MET: variants seen among roughly 807,000 people sequenced by gnomAD.
MET encodes hepatocyte growth factor receptor.
In MET, 48 loss-of-function variants were observed where a neutral mutation model predicts 133.1. The observed-to-expected ratio is 0.36, with a 90% confidence interval of 0.29 to 0.46. The LOEUF (loss-of-function observed/expected upper bound fraction) is 0.46, where lower values mean the gene tolerates loss of function less well. Ranked by LOEUF, MET falls within the 20% of genes least tolerant of loss-of-function variation. MET has a pLI of 1.00. For synonymous variants in MET, 628 were observed against 616.5 expected (o/e 1.02, Z -0.28); for missense variants, 1,442 against 1,695.9 (o/e 0.85, Z 2.63).
chr7:116,753,999 G>A (rs1400704152), intron 5 of MET, among the ~76,000 whole-genome samples: 3 of 152,184 alleles, frequency 2.0e-5, no homozygotes, highest in Non-Finnish European at 4.4e-5. Flanking sequence ...GCTGGGTGAG[G>A]TGGCGCACAC....
intron 19 of MET, among the ~76,000 whole-genome samples, chr7:116,786,204 T>C (rs571277516): frequency 6.6e-6 from 1 of 152,326 alleles, no homozygotes; most frequent in African/African-American, 2.4e-5. Flanking sequence ...AGTTCTCCAG[T>C]ATCTCTTCTT....
At position 116,757,535 on chromosome 7, in the gene MET, A is replaced by G. The variant is rs1554395399; in HGVS notation, c.1961A>G (p.Tyr654Cys). 6.2e-7 allele frequency: 1 copy of G among 1,613,246 alleles called. No individual in the cohort carries two copies. The highest frequency in any genetic ancestry group is 8.5e-7 in the Non-Finnish European group (1 of 1,179,268). ...ACAACACAATACAGTACATTCTCCTATGTGGTAAGGAAGATTCTATCCTAT... is the reference window on the plus strand; with the variant it reads ...ACAACACAATACAGTACATTCTCCTGTGTGGTAAGGAAGATTCTATCCTAT... ...HGTTQYSTFS[Y>C]VDPVITSISP... The change falls in exon 7 of 21, where the codon TAT becomes TGT. Residue 654 changes from tyrosine (Y) to cysteine (C), a missense_variant. Tyr to Cys is a radical substitution (Grantham distance 194). Transcript: ENST00000397752.
At position 116,796,228 on chromosome 7, in the gene MET, A is replaced by T. The variant is rs1032910944; in HGVS notation, c.*104A>T. 1.0e-5 allele frequency: 10 copies of T among 1,003,584 alleles called. No individual in the cohort carries two copies. The African/African-American group carries it at 1.6e-4, about 16-fold the overall frequency. 62.2% of individuals were successfully genotyped at this position (1,003,584 alleles called of 1,614,324 possible). A position where few individuals can be genotyped will look rare whatever the true frequency, so the allele number is the denominator to read the frequency against. On this transcript the variant is annotated 3_prime_UTR_variant, in exon 21 of 21. Coordinates refer to ENST00000397752, the MANE Select transcript of MET (RefSeq NM_000245.4). ...TATTCTTTGCTCTTGCCAAAATTGC[A>T]CTATTATAGGACTTGTATTGTTATT...
Position 116,759,411 on chromosome 7 carries a change from G to A in MET, c.2285G>A (p.Gly762Asp), listed in dbSNP as rs1060503541. 3 of 1,613,734 alleles carry A rather than the reference G, an allele frequency of 1.9e-6. No homozygotes were observed. The highest frequency in any genetic ancestry group is 1.7e-6 in the Non-Finnish European group (2 of 1,179,852). Residue 762 changes from glycine to aspartate, a missense_variant, in exon 10 of 21, where the codon GGT becomes GAT. Gly to Asp is a moderately conservative substitution (Grantham distance 94). Around this residue, in one of 6 missense-constraint regions of MET, gnomAD observed 514 missense variants for 659.6 expected, o/e 0.78. Transcript: ENST00000397752. ...SFISGGSTIT[G>D]VGKNLNSVSV... is the part of the protein sequence containing the mutation. ...GCCAGTGGTGGGAGCACAATAACAG[G>A]TGTTGGGAAAAACCTGAATTCAGTT...
At position 116,767,048 on chromosome 7, in the gene MET, T is replaced by G. The variant is rs569551511; in HGVS notation, c.2584-2597T>G. ...ACCCCCTCACCACCACCTCACTAAT[T>G]TCCTACTGCTGATCTCCCTGGACTT... On this transcript the variant is annotated intron_variant, in intron 11 of 20. Transcript: ENST00000397752. 2.0e-5 allele frequency among the ~76,000 whole-genome samples: 3 copies of G among 152,236 alleles called. No individual in the cohort carries two copies. The South Asian group carries it at 6.2e-4, about 32-fold the overall frequency.
chr7:116,759,787 G>GT (rs895259251), intron 10 of MET, among the ~76,000 whole-genome samples: 6 of 151,886 alleles, frequency 4.0e-5, no homozygotes, highest in Middle Eastern at 3.2e-3. Flanking sequence ...GGTTTTGAGG[G>GT]TTTTTTTGAG....
At chr7:116,730,318 G>C (rs1436506169) in intron 2 of MET, among the ~76,000 whole-genome samples, 65 of 152,318 alleles carry the variant, frequency 4.3e-4, no homozygotes, top group Non-Finnish European at 1.2e-4. Flanking sequence ...ACACAGATCT[G>C]GAGAAGTTGG....
intron 5 of MET, 68 bp from the exon 6 acceptor site, chr7:116,755,287 C>A (rs992920676): frequency 6.5e-7 from 1 of 1,536,732 alleles, no homozygotes; most frequent in South Asian, 1.1e-5. Context: ...TTTGTTTGTT[C>A]GTTTTCCATA....
chr7:116,698,939 GTTTTTGT>G lies in MET; in HGVS notation c.-14-128_-14-122del. 3 of 1,261,796 alleles carry G rather than the reference GTTTTTGT, an allele frequency of 2.4e-6. No homozygotes were observed. The East Asian group carries it at 7.5e-5, about 31-fold the overall frequency. 78.2% of individuals were successfully genotyped at this position (1,261,796 alleles called of 1,614,324 possible). ...GCATCTTTATGTGAAACTTGCTAGA[GTTTTTGT>G]TTTCCTTCTATGTAAAAGTCCAGTT... On this transcript the variant is annotated intron_variant, in intron 1 of 20. Coordinates refer to ENST00000397752, the MANE Select transcript of MET (RefSeq NM_000245.4).
intron 1 of MET, among the ~76,000 whole-genome samples, chr7:116,685,617 C>T (rs1038238179): frequency 3.9e-5 from 6 of 151,944 alleles, no homozygotes; most frequent in Non-Finnish European, 7.4e-5. Flanking sequence ...ACTTGGGAGG[C>T]GGAGGTTGCA....
intron 1 of MET, among the ~76,000 whole-genome samples, chr7:116,677,144 GAGA>G (rs1796191365): frequency 6.6e-6 from 1 of 151,934 alleles, no homozygotes; most frequent in Non-Finnish European, 1.5e-5. Context: ...GGGATTTGTT[GAGA>G]AGGATACCCA....
chr7:116,680,974 A>T (rs1796336355), intron 1 of MET, among the ~76,000 whole-genome samples: 2 of 152,046 alleles, frequency 1.3e-5, no homozygotes, highest in African/African-American at 2.4e-5. Flanking sequence ...TATGGAATAA[A>T]GTAAAGCTCA....
At chr7:116,761,864 T>C (rs946523448) in intron 10 of MET, among the ~76,000 whole-genome samples, 9 of 152,184 alleles carry the variant, frequency 5.9e-5, no homozygotes, top group Non-Finnish European at 1.2e-4. Context: ...TTAAAGAAAA[T>C]AGCAAATAAC....
At position 116,777,418 on chromosome 7, in the gene MET, T is replaced by C. The variant is rs45583838; in HGVS notation, c.3289T>C (p.Leu1097=). 3 of 1,613,766 alleles carry C rather than the reference T, an allele frequency of 1.9e-6. No homozygotes were observed. The East Asian group carries it at 6.7e-5, about 36-fold the overall frequency. Residue 1097 remains leucine (L), a synonymous_variant, in exon 16 of 21, where the codon TTG becomes CTG. Coordinates refer to ENST00000397752, the MANE Select transcript of MET (RefSeq NM_000245.4). The part of the protein sequence containing the change: ...GHFGCVYHGT[L]LDNDGKKIHC... ...TTTTGGTTGTGTATATCATGGGACT[T>C]TGTTGGACAATGATGGCAAGAAAAT...
chr7:116,777,064 C>A lies in MET; in HGVS notation c.3260-325C>A, dbSNP rs188453969. On this transcript the variant is annotated intron_variant, in intron 15 of 20. Transcript: ENST00000397752. ...TTTAAAAAAATTTATTTGATGAGGC[C>A]GATGTTACTCACCTTTTCAGTGGTT... Among the ~76,000 whole-genome samples the A allele has an allele frequency of 1.3e-3, 192 of 151,828 alleles. 1 individual carries two copies. Among genetic ancestry groups the A allele is most frequent in the African/African-American group, 4.5e-3 (185 of 41,370 alleles).
rs1318406399 is a variant in MET at position 116,758,577 on chromosome 7, G to T, written c.2221G>T (p.Asp741Tyr). ...RETSIFSYREDPIVYEIHPTK... is the reference protein window; with the variant it reads ...RETSIFSYREYPIVYEIHPTK... ...GACAAGCATCTTCAGTTACCGTGAA[G>T]ATCCCATTGTCTATGAAATTCATCC... The change falls in exon 9 of 21, where the codon GAT becomes TAT. Residue 741 changes from aspartate (D) to tyrosine (Y), a missense_variant. Around this residue, in one of 6 missense-constraint regions of MET, gnomAD observed 514 missense variants for 659.6 expected, o/e 0.78. Transcript: ENST00000397752. 3 of 1,613,664 alleles carry T rather than the reference G, an allele frequency of 1.9e-6. No homozygotes were observed.
chr7:116,778,669 G>A, intron 16 of MET, 107 bp from the exon 17 acceptor site: 1 of 1,171,802 alleles, frequency 8.5e-7, no homozygotes, highest in Non-Finnish European at 1.3e-6. Context: ...CTCAGGACAA[G>A]ATGCTAACTG....
intron 5 of MET, among the ~76,000 whole-genome samples, chr7:116,748,793 A>G (rs1793800149): frequency 6.6e-6 from 1 of 152,246 alleles, no homozygotes; most frequent in South Asian, 2.1e-4. Flanking sequence ...GATCCCACAG[A>G]AATACAAACT....
At position 116,777,441 on chromosome 7, in the gene MET, A is replaced by T. The variant is rs1584959967; in HGVS notation, c.3312A>T (p.Lys1104Asn). Residue 1104 changes from lysine (K) to asparagine (N), a missense_variant, in exon 16 of 21, where the codon AAA (lysine) becomes AAT (asparagine). Around this residue, in one of 6 missense-constraint regions of MET, gnomAD observed 514 missense variants for 659.6 expected, o/e 0.78. Transcript: ENST00000397752. ...CTTTGTTGGACAATGATGGCAAGAA[A>T]ATTCACTGTGCTGTGAAATCCTTGA... ...HGTLLDNDGKKIHCAVKSLNR... is the reference protein window; with the variant it reads ...HGTLLDNDGKNIHCAVKSLNR... 6.2e-7 allele frequency: 1 copy of T among 1,613,906 alleles called. No homozygotes were observed. Among genetic ancestry groups the T allele is most frequent in the South Asian group, 1.1e-5 (1 of 91,074 alleles).
Sources: gnomAD v4.1 joint callset for allele counts (sites outside exome capture counted in the v4.1 genomes callset) on GRCh38, gnomAD v4.1.1 for gene constraint, gnomAD v4.1.1 regional missense constraint, MANE v1.5 for transcripts, NCBI Gene and HGNC (gene_info 2026-07-23, HGNC 2026-07-21) for gene names.